C2CD2: variants seen among roughly 807,000 people sequenced by gnomAD.
C2CD2 encodes C2 calcium dependent domain containing 2.
Under a neutral mutation model 74.3 loss-of-function variants are expected in C2CD2, and 43 were observed. The ratio of observed to expected loss-of-function variants is 0.58; its 90% CI spans 0.45 to 0.75. The LOEUF (loss-of-function observed/expected upper bound fraction) is 0.75. Ranked by LOEUF, C2CD2 falls within the 30% of genes least tolerant of loss-of-function variation. The pLI is 0.00. For synonymous variants in C2CD2, 422 were observed against 390.7 expected (o/e 1.08, Z -0.94); for missense variants, 801 against 916.3 (o/e 0.87, Z 1.63).
At position 41,903,569 on chromosome 21, in the gene C2CD2, C is replaced by T. The variant is rs1223448600; in HGVS notation, c.1433-1820G>A. Among the ~76,000 whole-genome samples the T allele has an allele frequency of 6.6e-6, 1 of 152,152 alleles. No individual in the cohort carries two copies. The highest frequency in any genetic ancestry group is 2.4e-5 in the African/African-American group (1 of 41,432). ...GTAGAGGAACAGATTTTTGTTTAGC[C>T]ACTGACCCACACTGAGAAGAGAGAA... On this transcript the variant is annotated intron_variant, in intron 11 of 13. Transcript: ENST00000380486. The surrounding 1 kb of genome is among the most constrained non-coding windows in gnomAD (Gnocchi z 4.5).
chr21:41,920,005 T>C (rs1390743628), intron 3 of C2CD2, among the ~76,000 whole-genome samples: 1 of 152,096 alleles, frequency 6.6e-6, no homozygotes, highest in Non-Finnish European at 1.5e-5. Flanking sequence ...TCCCTGCGGG[T>C]GTGGACGTGG....
intron 13 of C2CD2, among the ~76,000 whole-genome samples, chr21:41,897,716 G>C (rs1391497828): frequency 1.3e-5 from 2 of 152,192 alleles, no homozygotes; most frequent in Non-Finnish European, 2.9e-5. Flanking sequence ...GGGGGGCATG[G>C]GAGAGGGAGG....
At chr21:41,891,984 C>A (rs1280250024) in intron 13 of C2CD2, among the ~76,000 whole-genome samples, 1 of 152,126 alleles carries the variant, frequency 6.6e-6, no homozygotes, top group Non-Finnish European at 1.5e-5. Flanking sequence ...TTGGCTCCCC[C>A]ACCCCCACCC....
Position 41,907,134 on chromosome 21 carries a change from G to C in C2CD2, c.1176C>G (p.Ser392=). ...FSYMEPGELK[S]WPIPPPVPAA... ...CAGGAACAGGGGGAGGGATGGGCCA[G>C]GATTTCAATTCACCAGGTTCCATGT... is the stretch of plus-strand genomic sequence containing the variant. The change falls in exon 10 of 14, where the codon TCC becomes TCG. Residue 392 remains serine (S), a synonymous_variant. Coordinates refer to ENST00000380486, the MANE Select transcript of C2CD2 (RefSeq NM_015500.2). 3 of 1,614,138 alleles carry C rather than the reference G, an allele frequency of 1.9e-6. No homozygotes were observed. Among genetic ancestry groups the C allele is most frequent in the Non-Finnish European group, 2.5e-6 (3 of 1,179,974 alleles).
At chr21:41,909,140 G>A (rs1054177188) in intron 8 of C2CD2, among the ~76,000 whole-genome samples, 4 of 151,904 alleles carry the variant, frequency 2.6e-5, no homozygotes, top group African/African-American at 9.7e-5. Flanking sequence ...TTTTGTTTTT[G>A]TTTTCCAAAA....
chr21:41,943,633 G>T (rs1023092430), intron 1 of C2CD2, among the ~76,000 whole-genome samples: 6 of 152,192 alleles, frequency 3.9e-5, no homozygotes, highest in Non-Finnish European at 5.9e-5. Flanking sequence ...GACCGAGGGT[G>T]GGAGAGGGGA....
At chr21:41,893,748 C>T (rs2064786952) in intron 13 of C2CD2, among the ~76,000 whole-genome samples, 1 of 143,332 alleles carries the variant, frequency 7.0e-6, no homozygotes, top group Non-Finnish European at 1.5e-5. Flanking sequence ...GTCGCCCAGG[C>T]TGGAGTGCAG....
rs147753254 is a variant in C2CD2 at position 41,947,112 on chromosome 21, T to TTCTCTCTCTCTCTC, written c.280-4881_280-4868dup. Among the ~76,000 whole-genome samples the TTCTCTCTCTCTCTC allele has an allele frequency of 1.9e-3, 49 of 26,216 alleles. 4 individuals are homozygous for TTCTCTCTCTCTCTC. Among genetic ancestry groups the TTCTCTCTCTCTCTC allele is most frequent in the East Asian group, 5.9e-3 (19 of 3,206 alleles). The allele number at this position is 26,216 out of a possible 152,430, so 17.2% of individuals were successfully genotyped here. On this transcript the variant is annotated intron_variant, in intron 1 of 13. Coordinates refer to ENST00000380486, the MANE Select transcript of C2CD2 (RefSeq NM_015500.2). ...TTTCTTTCTTTCTTTCCTTTCTCTT[T>TTCTCTCTCTCTCTC]TCTCTCTCTCTCTCTCTCTCTCTCT... is the stretch of plus-strand genomic sequence containing the variant.
Position 41,889,141 on chromosome 21 carries a change from C to A in C2CD2, c.2074G>T (p.Val692Leu), listed in dbSNP as rs772837893. 1 of 1,612,110 alleles carries A rather than the reference C, an allele frequency of 6.2e-7. No individual in the cohort carries two copies. The highest frequency in any genetic ancestry group is 8.5e-7 in the Non-Finnish European group (1 of 1,179,882). ...CTCAGGCCCTACGTGCAGGGCTCCACGGGGGCACCGTTCATGGTGTTCTTG... is the reference window on the plus strand; with the variant it reads ...CTCAGGCCCTACGTGCAGGGCTCCAAGGGGGCACCGTTCATGGTGTTCTTG... ...RNKNTMNGAP[V>L]EPCT Residue 692 changes from valine (V) to leucine (L), a missense_variant, in exon 14 of 14, where the codon GTG becomes TTG. Coordinates refer to ENST00000380486, the MANE Select transcript of C2CD2 (RefSeq NM_015500.2).
At chr21:41,893,425 T>G (rs2064780619) in intron 13 of C2CD2, among the ~76,000 whole-genome samples, 1 of 152,214 alleles carries the variant, frequency 6.6e-6, no homozygotes, top group African/African-American at 2.4e-5. Context: ...TCTTGGCATA[T>G]TAAGATGAAA....
At chr21:41,912,224 T>A in intron 7 of C2CD2, 108 bp downstream of exon 7, 1 of 623,416 alleles carries the variant, frequency 1.6e-6, no homozygotes, top group East Asian at 3.0e-5. Context: ...GTTAACTGTT[T>A]TGGTTTAGTG....
chr21:41,885,240 C>G lies in C2CD2; in HGVS notation c.*3884G>C, dbSNP rs1419232379. Reference sequence around the variant, plus strand: ...GCTGTCTTCGGCGTTTAAAGTGCTACTGAGGAATACAATCATTGTCACGTA... The same window carrying G: ...GCTGTCTTCGGCGTTTAAAGTGCTAGTGAGGAATACAATCATTGTCACGTA... On this transcript the variant is annotated 3_prime_UTR_variant, in exon 14 of 14. Transcript: ENST00000380486. 1 of 152,246 alleles carries G rather than the reference C, an allele frequency of 6.6e-6. No homozygotes were observed. The highest frequency in any genetic ancestry group is 1.5e-5 in the Non-Finnish European group (1 of 68,056). 9.4% of individuals were successfully genotyped at this position (152,246 alleles called of 1,614,324 possible).
intron 7 of C2CD2, among the ~76,000 whole-genome samples, chr21:41,910,897 T>TA: frequency 6.6e-6 from 1 of 152,348 alleles, no homozygotes; most frequent in Non-Finnish European, 1.5e-5. Context: ...ATAGTCCTGA[T>TA]ACGCAGTCAT....
In C2CD2 at chr21:41,888,916, G is replaced by A. The variant is rs1291312819; in HGVS notation, c.*208C>T. On this transcript the variant is annotated 3_prime_UTR_variant, in exon 14 of 14. Transcript: ENST00000380486. Reference sequence around the variant, plus strand: ...TGTCAAGTCTCATTTAGCATCTGGTGGCAAGTTGGGCTTTTTTGTCCTCTC... The same window carrying A: ...TGTCAAGTCTCATTTAGCATCTGGTAGCAAGTTGGGCTTTTTTGTCCTCTC... The A allele has an allele frequency of 5.0e-5, 30 of 594,604 alleles. No individual in the cohort carries two copies. The South Asian group carries it at 5.7e-4, about 11-fold the overall frequency. The allele number at this position is 594,604 out of a possible 1,614,324, so 36.8% of individuals were successfully genotyped here.
chr21:41,894,855 A>T (rs1465361583), intron 13 of C2CD2: 1 of 456,616 alleles, frequency 2.2e-6, no homozygotes, highest in African/African-American at 2.0e-5. Flanking sequence ...TAGCCGCCCC[A>T]TGGTGGTTGT....
Position 41,892,502 on chromosome 21 carries a change from G to C in C2CD2, c.1871-3158C>G, listed in dbSNP as rs1453445676. ...ACCATGTCTTCCTGTTCAGTCCTTA[G>C]AACCCAGGCAGCAACATGGAGGAGT... On this transcript the variant is annotated intron_variant, in intron 13 of 13. Transcript: ENST00000380486. The surrounding 1 kb of genome is among the most constrained non-coding windows in gnomAD (Gnocchi z 4.6). 1.3e-5 allele frequency among the ~76,000 whole-genome samples: 2 copies of C among 152,192 alleles called. No homozygotes were observed. The highest frequency in any genetic ancestry group is 2.9e-5 in the Non-Finnish European group (2 of 68,032).
In C2CD2 at chr21:41,888,272, G is replaced by C. The variant is rs1327321041; in HGVS notation, c.*852C>G. ...TGTGTTCTACGAGCGGTCACGTATG[G>C]CTCCTGACTTCATCTGACAGGCCCG... On this transcript the variant is annotated 3_prime_UTR_variant, in exon 14 of 14. Coordinates refer to ENST00000380486, the MANE Select transcript of C2CD2 (RefSeq NM_015500.2). The C allele has an allele frequency of 6.6e-6, 1 of 152,554 alleles. No individual in the cohort carries two copies. Among genetic ancestry groups the C allele is most frequent in the East Asian group, 1.9e-4 (1 of 5,200 alleles). The allele number at this position is 152,554 out of a possible 1,614,324, so 9.5% of individuals were successfully genotyped here. A position where few individuals can be genotyped will look rare whatever the true frequency, so the allele number is the denominator to read the frequency against.
chr21:41,886,103 C>T lies in C2CD2; in HGVS notation c.*3021G>A, dbSNP rs776113600. The T allele has an allele frequency of 6.6e-6, 1 of 152,178 alleles. No individual in the cohort carries two copies. The highest frequency in any genetic ancestry group is 6.5e-5 in the Admixed American group (1 of 15,286). The allele number at this position is 152,178 out of a possible 1,614,324, so 9.4% of individuals were successfully genotyped here. On this transcript the variant is annotated 3_prime_UTR_variant, in exon 14 of 14. Coordinates refer to ENST00000380486, the MANE Select transcript of C2CD2 (RefSeq NM_015500.2). ...GAGGCACCTCCTTAAACAAAGCAAA[C>T]GGGGAAGGGTTGCAAGCTCATTAAA...
At chr21:41,910,113 T>C (rs1055602235) in intron 7 of C2CD2, among the ~76,000 whole-genome samples, 1 of 151,924 alleles carries the variant, frequency 6.6e-6, no homozygotes, top group South Asian at 2.1e-4. Context: ...GGATTACAGG[T>C]GTGAGCCGCC....
Sources: allele counts gnomAD v4.1 joint callset (sites outside exome capture counted in the v4.1 genomes callset), GRCh38; gene constraint gnomAD v4.1.1; non-coding constraint Gnocchi (gnomAD v3.1); transcripts MANE v1.5; gene names NCBI Gene and HGNC (gene_info 2026-07-23, HGNC 2026-07-21).